The following MYO7A variants were observed in gnomAD, a reference collection of about 807,000 sequenced individuals.
The protein encoded by MYO7A is myosin VIIA, also known as unconventional myosin-VIIa.
A neutral mutation model predicts 263.8 loss-of-function variants in MYO7A; 210 were observed. That is an observed-to-expected ratio of 0.80 (90% confidence interval 0.71 to 0.89). MYO7A has a LOEUF of 0.89. MYO7A is among the 40% of genes least tolerant of loss of function. The pLI is 0.00. For synonymous variants in MYO7A, 1,239 were observed against 1,197.3 expected (o/e 1.03, Z -0.72); for missense variants, 2,820 against 2,968.3 (o/e 0.95, Z 1.16).
intron 31 of MYO7A, chr11:77,194,091 C>A (rs1250081443): frequency 1.5e-6 from 1 of 658,590 alleles, no homozygotes; most frequent in South Asian, 1.5e-5. Context: ...ACTTCATGTG[C>A]CCCTGGGCAG....
At chr11:77,211,744 C>CTT in intron 45 of MYO7A, 77 bp from the exon 46 acceptor site, 2 of 1,161,952 alleles carry the variant, frequency 1.7e-6, no homozygotes, top group Non-Finnish European at 2.6e-6. Context: ...GGGGAGGACT[C>CTT]TGAGCTCTGA....
intron 15 of MYO7A, among the ~76,000 whole-genome samples, chr11:77,167,267 C>T (rs1439995746): frequency 6.6e-6 from 1 of 152,122 alleles, no homozygotes; most frequent in Admixed American, 6.5e-5. Flanking sequence ...GAACCGGGGA[C>T]AGAGTGGGGA....
intron 33 of MYO7A, among the ~76,000 whole-genome samples, chr11:77,198,215 C>T (rs1328266532): frequency 6.6e-6 from 1 of 152,184 alleles, no homozygotes; most frequent in Non-Finnish European, 1.5e-5. Flanking sequence ...CTCAGTCCAA[C>T]CCCTCCCCAG....
rs782145553 is a variant in MYO7A at position 77,182,461 on chromosome 11, TG to T, written c.3151del (p.Asp1051ThrfsTer11). 1 of 1,609,424 alleles carries T rather than the reference TG, an allele frequency of 6.2e-7. No individual in the cohort carries two copies. Among genetic ancestry groups the T allele is most frequent in the Non-Finnish European group, 8.5e-7 (1 of 1,179,794 alleles). On this transcript the variant is annotated frameshift_variant, in exon 25 of 49. Coordinates refer to ENST00000409709, the MANE Select transcript of MYO7A (RefSeq NM_000260.4). LOFTEE classifies it high-confidence loss of function. The stretch of plus-strand genomic sequence containing the variant: ...GTCTGGATCACCATCCTCCGCTTCA[TG>T]GGGGACCTCCCTGAGCCCAAGTACC... ...LAVWITILRFMGDLPEPKYHT... is the reference protein window; with the variant it reads ...LAVWITILRFXGDLPEPKYHT...
chr11:77,148,025 G>A (rs1951706846), intron 4 of MYO7A, 75 bp downstream of exon 4: 3 of 1,235,534 alleles, frequency 2.4e-6, no homozygotes, highest in East Asian at 3.4e-5. Flanking sequence ...CACCCCGCCC[G>A]ACTTGCCTCC....
intron 35 of MYO7A, 30 bp downstream of exon 35, chr11:77,199,848 C>T: frequency 6.5e-7 from 1 of 1,550,022 alleles, no homozygotes. Context: ...GACTGCCTGG[C>T]ACTGGGGGTC....
At chr11:77,158,115 C>T (rs1952667680) in intron 8 of MYO7A, among the ~76,000 whole-genome samples, 162 bp from the exon 9 acceptor site, 1 of 152,168 alleles carries the variant, frequency 6.6e-6, no homozygotes, top group Non-Finnish European at 1.5e-5. Flanking sequence ...TCCAGACTTT[C>T]TGGAGGAGTT....
At chr11:77,192,902 TG>T (rs1307678983) in intron 31 of MYO7A, among the ~76,000 whole-genome samples, 2 of 50,174 alleles carry the variant, frequency 4.0e-5, no homozygotes, top group African/African-American at 1.6e-4. Flanking sequence ...GTGATGGTGT[TG>T]GTGATGGTGG....
intron 23 of MYO7A, 81 bp downstream of exon 23, chr11:77,181,670 T>TA: frequency 7.3e-7 from 1 of 1,360,884 alleles, no homozygotes; most frequent in Non-Finnish European, 1.0e-6. Context: ...CCCTTGGCCT[T>TA]AAAGCCCACC....
At chr11:77,135,829 T>C (rs1950889126) in intron 2 of MYO7A, among the ~76,000 whole-genome samples, 1 of 152,234 alleles carries the variant, frequency 6.6e-6, no homozygotes, top group African/African-American at 2.4e-5. Flanking sequence ...ATTATCCTAA[T>C]GATGAATGAT....
At chr11:77,214,447 C>A (rs1958037532) in intron 48 of MYO7A, among the ~76,000 whole-genome samples, 160 bp from the exon 49 acceptor site, 1 of 152,180 alleles carries the variant, frequency 6.6e-6, no homozygotes, top group African/African-American at 2.4e-5. Context: ...TGGATGAATT[C>A]AACCCTTCAA....
At chr11:77,181,834 G>C (rs1430851108) in intron 23 of MYO7A, 117 bp from the exon 24 acceptor site, 2 of 838,530 alleles carry the variant, frequency 2.4e-6, no homozygotes, top group Non-Finnish European at 3.7e-6. Flanking sequence ...GCTCAGGCTG[G>C]AGTGCAGTAG....
intron 15 of MYO7A, among the ~76,000 whole-genome samples, chr11:77,167,782 C>A (rs1555073565): frequency 1.3e-5 from 2 of 152,138 alleles, no homozygotes; most frequent in Admixed American, 6.5e-5. Flanking sequence ...ACACCCCCAG[C>A]AGTAGACAGG....
intron 34 of MYO7A, among the ~76,000 whole-genome samples, chr11:77,198,915 T>C (rs544058279): frequency 1.3e-5 from 2 of 152,238 alleles, no homozygotes; most frequent in Non-Finnish European, 2.9e-5. Context: ...TGAGTAGCAC[T>C]CACTCTATGT....
chr11:77,142,710 G>T lies in MYO7A; in HGVS notation c.20G>T (p.Gly7Val), dbSNP rs781989117. The T allele has an allele frequency of 8.7e-6, 14 of 1,609,010 alleles. No homozygotes were observed. The South Asian group carries it at 1.6e-4, about 18-fold the overall frequency. The change falls in exon 3 of 49, where the codon GGG (glycine) becomes GTG (valine). Residue 7 changes from glycine to valine, a missense_variant and splice_region_variant. Coordinates refer to ENST00000409709, the MANE Select transcript of MYO7A (RefSeq NM_000260.4). The part of the protein sequence containing the change: MVILQQ[G>V]DHVWMDLRLG... ...GCTGAGACTCTCTCTCGCCCATAGG[G>T]GGACCATGTGTGGATGGACCTGAGA...
At chr11:77,145,550 A>G (rs1951502197) in intron 3 of MYO7A, among the ~76,000 whole-genome samples, 1 of 152,166 alleles carries the variant, frequency 6.6e-6, no homozygotes, top group African/African-American at 2.4e-5. Flanking sequence ...TCCTGTCCAC[A>G]CTGGGGCCTG....
chr11:77,139,504 A>C lies in MYO7A; in HGVS notation c.19-3205A>C, dbSNP rs933747386. On this transcript the variant is annotated intron_variant, in intron 2 of 48. Coordinates refer to ENST00000409709, the MANE Select transcript of MYO7A (RefSeq NM_000260.4). The stretch of plus-strand genomic sequence containing the variant: ...AGGTGAGTACCAAGCAAGGCGCCCC[A>C]TACAGTGTGTAAAGTTGTCACGGAA... 5 of 152,240 alleles carry C rather than the reference A, an allele frequency of 3.3e-5. No individual in the cohort carries two copies. In the East Asian group the frequency reaches 9.7e-4, roughly 29 times the overall value. 9.4% of individuals were successfully genotyped at this position (152,240 alleles called of 1,614,324 possible).
intron 46 of MYO7A, 151 bp downstream of exon 46, chr11:77,212,088 C>T (rs1591509802): frequency 1.4e-6 from 1 of 725,766 alleles, no homozygotes; most frequent in African/African-American, 1.7e-5. Context: ...CTTGTCCCAG[C>T]TTAGCGTCTT....
chr11:77,173,699 T>G (rs2135415750), intron 16 of MYO7A, among the ~76,000 whole-genome samples: 1 of 152,136 alleles, frequency 6.6e-6, no homozygotes, highest in Middle Eastern at 3.4e-3. Context: ...CCGGGGAAAG[T>G]GGCCCGGAGA....
Sources: gnomAD v4.1 joint callset for allele counts (sites outside exome capture counted in the v4.1 genomes callset) on GRCh38, gnomAD v4.1.1 for gene constraint, MANE v1.5 for transcripts, NCBI Gene and HGNC (gene_info 2026-07-23, HGNC 2026-07-21) for gene names.